The following LRRTM4 variants were observed in gnomAD, a reference collection of about 807,000 sequenced individuals.
The protein encoded by LRRTM4 is leucine-rich repeat transmembrane neuronal protein 4.
In LRRTM4, 25 loss-of-function variants were observed where a neutral mutation model predicts 47.6. That is an observed-to-expected ratio of 0.53 (90% confidence interval 0.38 to 0.73). The LOEUF (loss-of-function observed/expected upper bound fraction) is 0.73, where lower values mean the gene tolerates loss of function less well. Ranked by LOEUF, LRRTM4 falls within the 30% of genes least tolerant of loss-of-function variation. LRRTM4 has a pLI of 0.00. For synonymous variants in LRRTM4, 311 were observed against 269.5 expected, an observed-to-expected ratio of 1.15 and a Z score of -1.51; for missense variants, 638 against 713.4, an observed-to-expected ratio of 0.89 and a Z score of 1.20.
At chr2:76,931,653 T>C (rs1403799103) in intron 3 of LRRTM4, among the ~76,000 whole-genome samples, 1 of 152,164 alleles carries the variant, frequency 6.6e-6, no homozygotes, top group African/African-American at 2.4e-5. Flanking sequence ...ACATGTTCTC[T>C]ATGGATCTAA....
rs1197212156 is a variant in LRRTM4, at chr2:77,034,833, TA to T, written c.1552-285918del. ...TTGCAAAATTATGACATTCTAATTC[TA>T]ATATTCTTTTCACTTATTCTTAGAA... On this transcript the variant is annotated intron_variant, in intron 3 of 3. Coordinates refer to ENST00000409884, the MANE Select transcript of LRRTM4 (RefSeq NM_001134745.3). Among the ~76,000 whole-genome samples, 6 of 152,018 alleles carry T rather than the reference TA, an allele frequency of 3.9e-5. No individual in the cohort carries two copies. In the South Asian group the frequency reaches 1.2e-3, roughly 31 times the overall value.
chr2:76,841,352 C>T lies in LRRTM4; in HGVS notation c.1552-92436G>A, dbSNP rs1049838841. The stretch of plus-strand genomic sequence containing the variant: ...ATGACGAGTTAATGGGTGCAGCACA[C>T]CAACATGGCACATGTATACATATGT... On this transcript the variant is annotated intron_variant, in intron 3 of 3. Coordinates refer to ENST00000409884, the MANE Select transcript of LRRTM4 (RefSeq NM_001134745.3). 2.4e-4 allele frequency among the ~76,000 whole-genome samples: 37 copies of T among 151,718 alleles called. 2 individuals are homozygous for T. The highest frequency in any genetic ancestry group is 8.7e-4 in the African/African-American group (36 of 41,296).
At chr2:77,309,393 T>G (rs1163534251) in intron 3 of LRRTM4, among the ~76,000 whole-genome samples, 3 of 152,138 alleles carry the variant, frequency 2.0e-5, no homozygotes, top group African/African-American at 7.2e-5. Flanking sequence ...TTGCAGAATA[T>G]CTCTAAAATT....
At chr2:77,236,341 C>T (rs561798775) in intron 3 of LRRTM4, among the ~76,000 whole-genome samples, 1 of 152,060 alleles carries the variant, frequency 6.6e-6, no homozygotes, top group African/African-American at 2.4e-5. Context: ...ATGGGAATGC[C>T]ACTGATTTTT....
intron 3 of LRRTM4, among the ~76,000 whole-genome samples, chr2:77,231,135 A>G (rs1674952126): frequency 6.6e-6 from 1 of 152,116 alleles, no homozygotes; most frequent in Non-Finnish European, 1.5e-5. Context: ...GTTTAAATAT[A>G]GTCTCTGTTT....
chr2:77,344,792 G>A lies in LRRTM4; in HGVS notation c.1551+173526C>T, dbSNP rs187588288. Among the ~76,000 whole-genome samples the A allele has an allele frequency of 6.5e-3, 980 of 150,870 alleles. 12 individuals are homozygous for A. Among genetic ancestry groups the A allele is most frequent in the African/African-American group, 0.023 (927 of 41,190 alleles). Reference sequence around the variant, plus strand: ...AAAGAGAGTAAATTGTAGAGTAACCGGAGTTACTAACATGAGTCAGTCTCT... The same window carrying A: ...AAAGAGAGTAAATTGTAGAGTAACCAGAGTTACTAACATGAGTCAGTCTCT... On this transcript the variant is annotated intron_variant, in intron 3 of 3. Coordinates refer to ENST00000409884, the MANE Select transcript of LRRTM4 (RefSeq NM_001134745.3).
At chr2:77,294,424 T>A (rs1265779239) in intron 3 of LRRTM4, among the ~76,000 whole-genome samples, 1 of 152,178 alleles carries the variant, frequency 6.6e-6, no homozygotes, top group Non-Finnish European at 1.5e-5. Flanking sequence ...CAGAATGTAT[T>A]CATATAGGTT....
rs74725887 is a variant in LRRTM4 at position 77,485,335 on chromosome 2, A to G, written c.1551+32983T>C. Among the ~76,000 whole-genome samples, 161 of 152,294 alleles carry G rather than the reference A, an allele frequency of 1.1e-3. 6 individuals carry two copies. In the East Asian group the frequency reaches 0.026, roughly 25 times the overall value. On this transcript the variant is annotated intron_variant, in intron 3 of 3. Coordinates refer to ENST00000409884, the MANE Select transcript of LRRTM4 (RefSeq NM_001134745.3). ...CACAAAGTCACAGGGAAAACTGAAG[A>G]TAAAATTTGAACTGGATCTTTAATC...
intron 3 of LRRTM4, among the ~76,000 whole-genome samples, chr2:76,966,733 A>G (rs1227801057): frequency 1.3e-5 from 2 of 151,464 alleles, no homozygotes; most frequent in Non-Finnish European, 3.0e-5. Context: ...ATGACAATCT[A>G]ATTACCAATT....
intron 3 of LRRTM4, among the ~76,000 whole-genome samples, chr2:76,843,724 T>C (rs1671754479): frequency 6.6e-6 from 1 of 152,120 alleles, no homozygotes; most frequent in Non-Finnish European, 1.5e-5. Flanking sequence ...AGGTTGAGGA[T>C]GGGCCAGGTC....
chr2:76,896,109 C>T (rs1673409408), intron 3 of LRRTM4, among the ~76,000 whole-genome samples: 1 of 151,916 alleles, frequency 6.6e-6, no homozygotes, highest in South Asian at 2.1e-4. Flanking sequence ...CATAGATGAA[C>T]CCTACAAAAT....
At chr2:77,157,227 A>T (rs1277298002) in intron 3 of LRRTM4, among the ~76,000 whole-genome samples, 2 of 152,172 alleles carry the variant, frequency 1.3e-5, no homozygotes, top group Non-Finnish European at 2.9e-5. Context: ...GCATAACAAG[A>T]TGTAAACTGT....
At chr2:77,247,725 G>T (rs1443763293) in intron 3 of LRRTM4, among the ~76,000 whole-genome samples, 1 of 151,960 alleles carries the variant, frequency 6.6e-6, no homozygotes, top group Non-Finnish European at 1.5e-5. Flanking sequence ...ATGTCATATT[G>T]TTCTTCCAAT....
intron 3 of LRRTM4, among the ~76,000 whole-genome samples, chr2:77,122,959 A>G (rs1440534934): frequency 6.6e-6 from 1 of 151,918 alleles, no homozygotes; most frequent in East Asian, 1.9e-4. Flanking sequence ...TATCTCCTCC[A>G]AGAGTCAGAA....
intron 3 of LRRTM4, among the ~76,000 whole-genome samples, chr2:77,057,351 T>C (rs562193754): frequency 6.6e-6 from 1 of 152,308 alleles, no homozygotes; most frequent in South Asian, 2.1e-4. Flanking sequence ...AATAGGTACT[T>C]ATCATTGAAA....
chr2:77,189,120 AC>A (rs2103874236), intron 3 of LRRTM4, among the ~76,000 whole-genome samples: 1 of 151,850 alleles, frequency 6.6e-6, no homozygotes, highest in Non-Finnish European at 1.5e-5. Context: ...TAAAAAAAAA[AC>A]TTTTGATCAA....
intron 3 of LRRTM4, among the ~76,000 whole-genome samples, chr2:77,409,649 T>C (rs1185109831): frequency 6.6e-6 from 1 of 152,222 alleles, no homozygotes; most frequent in East Asian, 1.9e-4. Context: ...GTTTCTTTAA[T>C]AAGAAATATC....
At position 77,185,427 on chromosome 2, in the gene LRRTM4, A is replaced by G. The variant is rs546723124; in HGVS notation, c.1551+332891T>C. ...ATGCATTTATCACTCTATTGGATCT[A>G]GAAGTAAATGGCTACAAGGGCGTTT... On this transcript the variant is annotated intron_variant, in intron 3 of 3. Transcript: ENST00000409884. 5.1e-4 allele frequency among the ~76,000 whole-genome samples: 77 copies of G among 152,302 alleles called. No individual in the cohort carries two copies. In the South Asian group the frequency reaches 0.016, roughly 32 times the overall value.
At chr2:76,901,428 C>CATTTTCTTT (rs1673628072) in intron 3 of LRRTM4, among the ~76,000 whole-genome samples, 2 of 152,068 alleles carry the variant, frequency 1.3e-5, no homozygotes, top group South Asian at 4.1e-4. Context: ...ATATGTACCA[C>CATTTTCTTT]ATTTTCTTTA....
Sources: allele counts gnomAD v4.1 joint callset (sites outside exome capture counted in the v4.1 genomes callset), GRCh38; gene constraint gnomAD v4.1.1; transcripts MANE v1.5; gene names NCBI Gene and HGNC (gene_info 2026-07-23, HGNC 2026-07-21).